The following TLE6 variants were observed in gnomAD, a reference collection of about 807,000 sequenced individuals.
TLE6 encodes transducin-like enhancer protein 6.
Under a neutral mutation model 77.1 loss-of-function variants are expected in TLE6, and 72 were observed. That is an observed-to-expected ratio of 0.93 (90% CI 0.77 to 1.14). The LOEUF (loss-of-function observed/expected upper bound fraction) is 1.14. Ranked by LOEUF, TLE6 falls within the 50% of genes most tolerant of loss-of-function variation. The pLI is 0.00. For missense variants in TLE6, 843 were observed against 747.6 expected (o/e 1.13, Z -1.49); for synonymous variants, 366 against 287.3 (o/e 1.27, Z -2.77).
intron 16 of TLE6, among the ~76,000 whole-genome samples, chr19:2,994,403 G>T (rs1053410266): frequency 1.3e-5 from 2 of 152,196 alleles, no homozygotes; most frequent in African/African-American, 4.8e-5. Flanking sequence ...GAGGTCAGGA[G>T]ATCAAGACCA....
At chr19:2,993,375 T>A (rs2089128421) in intron 14 of TLE6, 57 bp from the exon 15 acceptor site, 1 of 1,536,870 alleles carries the variant, frequency 6.5e-7, no homozygotes, top group African/African-American at 1.4e-5. Flanking sequence ...CCTGCCTGCT[T>A]CCTGGGCCAG....
At chr19:2,982,062 C>T (rs1452946974) in intron 4 of TLE6, 86 bp from the exon 5 acceptor site, 3 of 1,402,054 alleles carry the variant, frequency 2.1e-6, no homozygotes, top group Non-Finnish European at 3.0e-6. Context: ...GGAGTAGGGG[C>T]CAGAGAGGTA....
At chr19:2,991,391 T>TAC (rs1362277911) in intron 13 of TLE6, among the ~76,000 whole-genome samples, 15 of 114,838 alleles carry the variant, frequency 1.3e-4, no homozygotes, top group African/African-American at 5.2e-4. Flanking sequence ...TATATATATA[T>TAC]ATATACACAC....
chr19:2,990,153 CTT>C (rs1357327331), intron 13 of TLE6, among the ~76,000 whole-genome samples: 1 of 152,058 alleles, frequency 6.6e-6, no homozygotes, highest in Non-Finnish European at 1.5e-5. Context: ...AAACCCAGCA[CTT>C]TGGGAGGTCA....
chr19:2,980,293 C>G, intron 3 of TLE6, 111 bp downstream of exon 3: 2 of 821,432 alleles, frequency 2.4e-6, no homozygotes, highest in South Asian at 1.7e-5. Flanking sequence ...AAGAGCCAGG[C>G]TCAGGAACAG....
At chr19:2,988,839 G>C in intron 11 of TLE6, 1 of 638,282 alleles carries the variant, frequency 1.6e-6, no homozygotes, top group Non-Finnish European at 2.6e-6. Context: ...CTGGGGCAAA[G>C]CAGTCTAGGA....
At chr19:2,983,340 G>C (rs2088837773) in intron 5 of TLE6, among the ~76,000 whole-genome samples, 1 of 152,186 alleles carries the variant, frequency 6.6e-6, no homozygotes, top group South Asian at 2.1e-4. Flanking sequence ...GGGGATGAGG[G>C]CTGGGCAAGG....
intron 14 of TLE6, among the ~76,000 whole-genome samples, chr19:2,993,016 C>A (rs1473450628): frequency 2.9e-5 from 4 of 137,000 alleles, no homozygotes; most frequent in African/African-American, 9.0e-5. Context: ...TGGTGAAACC[C>A]CGTCTCTACT....
In TLE6 at chr19:2,987,655, C is replaced by T. The variant is rs548719300; in HGVS notation, c.559-69C>T. The T allele has an allele frequency of 1.9e-4, 299 of 1,572,106 alleles. 18 individuals carry two copies. In the South Asian group the frequency reaches 3.2e-3, roughly 17 times the overall value. On this transcript the variant is annotated intron_variant, in intron 8 of 16. Coordinates refer to ENST00000246112, the MANE Select transcript of TLE6 (RefSeq NM_001143986.2). ...GCTGACAAGCCCTGTGCAAGCTGCC[C>T]AGGAATCCGAGGTCTTCTGGTCCTA...
intron 15 of TLE6, 31 bp downstream of exon 15, chr19:2,993,613 C>A: frequency 6.5e-7 from 1 of 1,529,492 alleles, no homozygotes; most frequent in Non-Finnish European, 8.8e-7. Context: ...GAGGGGACTC[C>A]CCTGCAGCCC....
chr19:2,986,700 T>A (rs776176250), intron 5 of TLE6, 129 bp from the exon 6 acceptor site: 226 of 941,798 alleles, frequency 2.4e-4, no homozygotes, highest in Non-Finnish European at 3.3e-4. Flanking sequence ...GGTGACAGAG[T>A]GAGACTCTGT....
In TLE6 at chr19:2,978,876, T is replaced by C. The variant is rs1017496722; in HGVS notation, c.51+592T>C. ...TTTGCGTCCCAGAGATGACCATTTGTAAATTTAGGCTCTCAGGGCTGAGCA... is the reference window on the plus strand; with the variant it reads ...TTTGCGTCCCAGAGATGACCATTTGCAAATTTAGGCTCTCAGGGCTGAGCA... On this transcript the variant is annotated intron_variant, in intron 2 of 16. Transcript: ENST00000246112. Among the ~76,000 whole-genome samples the C allele has an allele frequency of 3.9e-5, 6 of 152,194 alleles. No homozygotes were observed. In the East Asian group the frequency reaches 1.2e-3, roughly 29 times the overall value.
chr19:2,979,280 C>G (rs778028032), intron 2 of TLE6, among the ~76,000 whole-genome samples: 3 of 150,078 alleles, frequency 2.0e-5, no homozygotes, highest in Middle Eastern at 3.5e-3. Flanking sequence ...GAGTCTTGCT[C>G]TTGTTGCCCA....
At position 2,994,902 on chromosome 19, in the gene TLE6, G is replaced by A; in HGVS notation, c.1617G>A (p.Val539=). 1.9e-6 allele frequency: 3 copies of A among 1,593,114 alleles called. No individual in the cohort carries two copies. Among genetic ancestry groups the A allele is most frequent in the South Asian group, 1.1e-5 (1 of 88,080 alleles). The change falls in exon 17 of 17, where the codon GTG becomes GTA. Residue 539 remains valine (V), a splice_region_variant and synonymous_variant. Transcript: ENST00000246112. ...ACTGCCCACTGCCCCCCCTCCAGGT[G>A]CCTGAGATGTCTCCAGTCACGTGCT... The part of the protein sequence containing the change: ...SMPAGTKVFE[V]PEMSPVTCCD...
In TLE6 at chr19:2,986,864, C is replaced by T; in HGVS notation, c.258C>T (p.Ser86=). ...TCTTACAGATTGTGGAGAGCTGCAG[C>T]CAACTCCAGGGTTTCCAGTCTGAGG... ...GNVLQIVESC[S]QLQGFQSEEV... is the part of the protein sequence containing the mutation. The change falls in exon 6 of 17, where the codon AGC becomes AGT. Residue 86 remains serine, a synonymous_variant. Coordinates refer to ENST00000246112, the MANE Select transcript of TLE6 (RefSeq NM_001143986.2). The T allele has an allele frequency of 6.4e-7, 1 of 1,551,750 alleles. No individual in the cohort carries two copies. The highest frequency in any genetic ancestry group is 8.7e-7 in the Non-Finnish European group (1 of 1,147,014).
chr19:2,992,793 A>C (rs781705939), intron 14 of TLE6, among the ~76,000 whole-genome samples: 2 of 19,760 alleles, frequency 1.0e-4, no homozygotes, highest in African/African-American at 2.6e-4. Flanking sequence ...AAAAAAAAAA[A>C]GGGGGGGAGG....
chr19:2,991,395 T>TATATATACACACACACAC (rs1555686268), intron 13 of TLE6, among the ~76,000 whole-genome samples: 1 of 114,150 alleles, frequency 8.8e-6, no homozygotes, highest in Non-Finnish European at 1.7e-5. Flanking sequence ...TATATATATA[T>TATATATACACACACACAC]ACACACACAC....
At chr19:2,979,316 G>A (rs369254933) in intron 2 of TLE6, among the ~76,000 whole-genome samples, 2 of 144,458 alleles carry the variant, frequency 1.4e-5, no homozygotes, top group Admixed American at 6.9e-5. Context: ...GCGCGATCTC[G>A]GCTCACTGCA....
rs548935433 is a variant in TLE6 at position 2,978,922 on chromosome 19, A to T, written c.51+638A>T. ...GAGCAGACGTTTTTTTTTGTAAAGG[A>T]GTCAGATGAGGGATATTTTGTTTTG... On this transcript the variant is annotated intron_variant, in intron 2 of 16. Coordinates refer to ENST00000246112, the MANE Select transcript of TLE6 (RefSeq NM_001143986.2). Among the ~76,000 whole-genome samples the T allele has an allele frequency of 6.4e-4, 98 of 151,950 alleles. 1 individual carries two copies. Among genetic ancestry groups the T allele is most frequent in the South Asian group, 2.9e-3 (14 of 4,798 alleles).
Sources: gnomAD v4.1 joint callset for allele counts (sites outside exome capture counted in the v4.1 genomes callset) on GRCh38, gnomAD v4.1.1 for gene constraint, MANE v1.5 for transcripts, NCBI Gene and HGNC (gene_info 2026-07-23, HGNC 2026-07-21) for gene names.